Variants in DCDC2 observed in about 807,000 individuals in gnomAD.
The protein encoded by DCDC2 is doublecortin domain containing 2.
A neutral mutation model predicts 50.2 loss-of-function variants in DCDC2; 40 were observed. The ratio of observed to expected loss-of-function variants is 0.80; its 90% CI spans 0.62 to 1.04. The LOEUF (loss-of-function observed/expected upper bound fraction) is 1.04. DCDC2 is among the 50% of genes least tolerant of loss of function. The pLI, the probability that DCDC2 is intolerant of heterozygous loss-of-function variation, is 0.00. For missense variants in DCDC2, 570 were observed against 581.9 expected (o/e 0.98, Z 0.21); for synonymous variants, 234 against 210.6 (o/e 1.11, Z -0.96).
chr6:24,378,437 T>C, the DCDC2 span, among the ~76,000 whole-genome samples: 1 of 152,150 alleles, frequency 6.6e-6, no homozygotes, highest in East Asian at 1.9e-4. Context: ...CTGTCCCTTC[T>C]GCTGGGACCG....
chr6:24,375,868 G>T, the DCDC2 span, among the ~76,000 whole-genome samples: 1 of 152,124 alleles, frequency 6.6e-6, no homozygotes, highest in Non-Finnish European at 1.5e-5. Flanking sequence ...AAGGAAGGGA[G>T]GCAGAGAAGG....
chr6:24,349,885 G>A (rs959952065), intron 2 of DCDC2, among the ~76,000 whole-genome samples: 2 of 152,044 alleles, frequency 1.3e-5, no homozygotes, highest in Admixed American at 1.3e-4. Context: ...TCAGGGATAG[G>A]CTGCTCTGAG....
intron 7 of DCDC2, among the ~76,000 whole-genome samples, chr6:24,206,333 T>C (rs1490925205): frequency 2.0e-5 from 3 of 151,570 alleles, no homozygotes; most frequent in Non-Finnish European, 4.4e-5. Context: ...CAGAGTATTA[T>C]GGAAGCTGAA....
chr6:24,342,285 G>C (rs1760171978), intron 2 of DCDC2, among the ~76,000 whole-genome samples: 1 of 152,216 alleles, frequency 6.6e-6, no homozygotes, highest in Non-Finnish European at 1.5e-5. Flanking sequence ...TACTTTCACA[G>C]TGTTGCTTCA....
chr6:24,297,933 T>C (rs1271381516), intron 4 of DCDC2, among the ~76,000 whole-genome samples: 3 of 152,096 alleles, frequency 2.0e-5, no homozygotes, highest in Non-Finnish European at 2.9e-5. Flanking sequence ...AAAAGAAATG[T>C]AAAGAAAATG....
rs139784546 is a variant in DCDC2, at chr6:24,323,273, G to T, written c.349-21229C>A. ...ATGAAAGACTGAGGAACAGTCACAGGGTAGTTGGTAGTTTGGTAGTTTTCT... is the reference window on the plus strand; with the variant it reads ...ATGAAAGACTGAGGAACAGTCACAGTGTAGTTGGTAGTTTGGTAGTTTTCT... On this transcript the variant is annotated intron_variant, in intron 2 of 9. Coordinates refer to ENST00000378454, the MANE Select transcript of DCDC2 (RefSeq NM_016356.5). Among the ~76,000 whole-genome samples the T allele has an allele frequency of 3.3e-3, 502 of 152,268 alleles. 2 individuals are homozygous for T. The highest frequency in any genetic ancestry group is 0.013 in the Admixed American group (193 of 15,296).
chr6:24,216,966 GAAGA>G (rs1424327071), intron 7 of DCDC2, among the ~76,000 whole-genome samples: 2 of 152,174 alleles, frequency 1.3e-5, no homozygotes, highest in East Asian at 3.9e-4. Context: ...CGAGGAAGTA[GAAGA>G]AAGTGAGAAA....
At chr6:24,327,520 C>A (rs1206111691) in intron 2 of DCDC2, among the ~76,000 whole-genome samples, 1 of 146,788 alleles carries the variant, frequency 6.8e-6, no homozygotes, top group African/African-American at 2.5e-5. Flanking sequence ...GTTGCCCAGG[C>A]TGGAGTACAA....
At chr6:24,186,254 T>C (rs541882722) in intron 8 of DCDC2, among the ~76,000 whole-genome samples, 1 of 152,370 alleles carries the variant, frequency 6.6e-6, no homozygotes, top group Admixed American at 6.5e-5. Context: ...CAGTTATGGA[T>C]GTAATATGTA....
At chr6:24,211,043 T>C (rs1171847313) in intron 7 of DCDC2, among the ~76,000 whole-genome samples, 1 of 152,356 alleles carries the variant, frequency 6.6e-6, no homozygotes, top group East Asian at 1.9e-4. Context: ...TAGCCACTCA[T>C]TCATTCATAG....
At chr6:24,285,167 T>C (rs1231885846) in intron 6 of DCDC2, among the ~76,000 whole-genome samples, 1 of 152,140 alleles carries the variant, frequency 6.6e-6, no homozygotes, top group Admixed American at 6.5e-5. Flanking sequence ...TGAGTATGTT[T>C]GGAATGGATG....
intron 7 of DCDC2, among the ~76,000 whole-genome samples, chr6:24,275,946 T>C (rs1763343348): frequency 6.8e-6 from 1 of 147,406 alleles, no homozygotes; most frequent in Non-Finnish European, 1.5e-5. Context: ...CATGGCTCAC[T>C]GCAGCCTCAG....
chr6:24,195,916 A>C (rs793851), intron 8 of DCDC2, among the ~76,000 whole-genome samples: 28,375 of 152,216 alleles, frequency 0.19, 2,927 homozygotes, highest in African/African-American at 0.25. Context: ...CAATGAAAGC[A>C]AAGACTTCTA....
At chr6:24,284,891 T>C (rs557636713) in intron 6 of DCDC2, among the ~76,000 whole-genome samples, 76 of 152,256 alleles carry the variant, frequency 5.0e-4, no homozygotes, top group African/African-American at 1.7e-3. Flanking sequence ...ATCATTAAGG[T>C]CTCAGTTTCA....
intron 7 of DCDC2, among the ~76,000 whole-genome samples, chr6:24,239,199 A>G (rs1762516738): frequency 6.6e-6 from 1 of 152,170 alleles, no homozygotes; most frequent in African/African-American, 2.4e-5. Context: ...TATGTGTAAT[A>G]AGTACAATGG....
At chr6:24,215,202 A>G (rs144767647) in intron 7 of DCDC2, among the ~76,000 whole-genome samples, 2 of 152,342 alleles carry the variant, frequency 1.3e-5, no homozygotes, top group African/African-American at 4.8e-5. Flanking sequence ...TAAGGAGCAA[A>G]GGAAGGCACT....
chr6:24,359,431 A>ATATATTATATATTATATTT (rs1561789626), upstream of DCDC2, among the ~76,000 whole-genome samples: 1 of 26,098 alleles, frequency 3.8e-5, no homozygotes, highest in African/African-American at 2.4e-4. Context: ...ATATATATTT[A>ATATATTATATATTATATTT]TATATACTAT....
At position 24,236,622 on chromosome 6, in the gene DCDC2, A is replaced by G. The variant is rs1200697084; in HGVS notation, c.923-31520T>C. 4.6e-5 allele frequency among the ~76,000 whole-genome samples: 7 copies of G among 152,230 alleles called. No homozygotes were observed. The East Asian group carries it at 1.3e-3, about 29-fold the overall frequency. ...GTAAACAGACAAGCTACAGAATAGA[A>G]TATCTGCAAACTATGCATCCAAATG... On this transcript the variant is annotated intron_variant, in intron 7 of 9. Coordinates refer to ENST00000378454, the MANE Select transcript of DCDC2 (RefSeq NM_016356.5).
intron 8 of DCDC2, among the ~76,000 whole-genome samples, chr6:24,180,733 C>CCCCT (rs146990965): frequency 0.02 from 3,066 of 152,202 alleles, 117 homozygotes; most frequent in African/African-American, 0.068. Context: ...AGCCCTGACC[C>CCCCT]CCCTTTCCAA....
Sources: gnomAD v4.1 joint callset for allele counts (sites outside exome capture counted in the v4.1 genomes callset) on GRCh38, gnomAD v4.1.1 for gene constraint, MANE v1.5 for transcripts, NCBI Gene and HGNC (gene_info 2026-07-23, HGNC 2026-07-21) for gene names.